SNTG1: variants seen among roughly 807,000 people sequenced by gnomAD.
The protein encoded by SNTG1 is syntrophin gamma 1, also known as gamma-1-syntrophin.
Under a neutral mutation model 74.7 loss-of-function variants are expected in SNTG1, and 39 were observed. The ratio of observed to expected loss-of-function variants is 0.52; its 90% CI spans 0.40 to 0.68. SNTG1 has a LOEUF of 0.68. SNTG1 is among the 30% of genes least tolerant of loss of function. The pLI, the probability that SNTG1 is intolerant of heterozygous loss-of-function variation, is 0.00. For missense variants in SNTG1, 685 were observed against 609.5 expected (o/e 1.12, Z -1.30); for synonymous variants, 254 against 217.1 (o/e 1.17, Z -1.49).
At chr8:50,212,168 T>C (rs1417944631) in intron 2 of SNTG1, among the ~76,000 whole-genome samples, 1 of 152,188 alleles carries the variant, frequency 6.6e-6, no homozygotes, top group East Asian at 1.9e-4. Context: ...AGCAATTTCT[T>C]GTACAGTATC....
intron 1 of SNTG1, among the ~76,000 whole-genome samples, chr8:49,971,627 G>A (rs899449358): frequency 6.6e-6 from 1 of 152,178 alleles, no homozygotes; most frequent in Non-Finnish European, 1.5e-5. Context: ...CATTGTCTCA[G>A]TCCAAAATCT....
At chr8:50,441,841 T>C (rs1255844583) in intron 5 of SNTG1, among the ~76,000 whole-genome samples, 1 of 152,166 alleles carries the variant, frequency 6.6e-6, no homozygotes, top group East Asian at 1.9e-4. Context: ...CATTGAGATT[T>C]AGGGTAGGAA....
intron 2 of SNTG1, among the ~76,000 whole-genome samples, chr8:50,384,932 T>A (rs2092550465): frequency 6.6e-6 from 1 of 152,122 alleles, no homozygotes; most frequent in African/African-American, 2.4e-5. Context: ...ACATCTCAGG[T>A]GACTTGGTGT....
intron 8 of SNTG1, among the ~76,000 whole-genome samples, chr8:50,487,622 G>A (rs150273440): frequency 6.6e-6 from 1 of 150,982 alleles, no homozygotes; most frequent in Admixed American, 6.6e-5. Flanking sequence ...TCACTCGTAG[G>A]TGGGAATTGA....
chr8:50,258,157 G>T (rs2086975438), intron 2 of SNTG1, among the ~76,000 whole-genome samples: 1 of 152,182 alleles, frequency 6.6e-6, no homozygotes, highest in African/African-American at 2.4e-5. Context: ...AATATGCAGA[G>T]TTGCTACAAT....
At chr8:50,264,310 G>A (rs796635907) in intron 2 of SNTG1, among the ~76,000 whole-genome samples, 25 of 152,124 alleles carry the variant, frequency 1.6e-4, no homozygotes, top group African/African-American at 5.8e-4. Context: ...GCTGATGTCT[G>A]TAATCTCAGT....
chr8:50,194,084 T>G (rs1368883517), intron 2 of SNTG1, among the ~76,000 whole-genome samples: 1 of 152,094 alleles, frequency 6.6e-6, no homozygotes, highest in Admixed American at 6.6e-5. Flanking sequence ...GTATTTTGTT[T>G]AGGATACTAG....
rs1017763437 is a variant in SNTG1 at position 50,312,756 on chromosome 8, A to G, written c.-27-81456A>G. Among the ~76,000 whole-genome samples, 2 of 149,998 alleles carry G rather than the reference A, an allele frequency of 1.3e-5. 1 individual carries two copies. The highest frequency in any genetic ancestry group is 5.0e-5 in the African/African-American group (2 of 40,162). On this transcript the variant is annotated intron_variant, in intron 2 of 18. Coordinates refer to ENST00000642720, the MANE Select transcript of SNTG1 (RefSeq NM_018967.5). ...ATGCCTTCCAGGATTATTGTGAAAC[A>G]AAAACCAGGGAACAATACAATTTCA... is the stretch of plus-strand genomic sequence containing the variant.
At chr8:50,107,733 T>G (rs367605836) in intron 1 of SNTG1, among the ~76,000 whole-genome samples, 21 of 152,138 alleles carry the variant, frequency 1.4e-4, no homozygotes, top group African/African-American at 5.1e-4. Flanking sequence ...ATATTTTTAG[T>G]AGAGACGGGG....
chr8:50,748,415 C>T (rs2095559910), intron 17 of SNTG1, among the ~76,000 whole-genome samples: 1 of 151,972 alleles, frequency 6.6e-6, no homozygotes. Context: ...CTTAAGAAAT[C>T]TGGGTTTTAA....
chr8:50,168,342 C>G (rs776792617), intron 1 of SNTG1, among the ~76,000 whole-genome samples: 4 of 152,024 alleles, frequency 2.6e-5, no homozygotes, highest in African/African-American at 9.7e-5. Flanking sequence ...CTATTAAGAC[C>G]AAGTCATTCC....
chr8:50,068,703 T>C (rs967443267), intron 1 of SNTG1, among the ~76,000 whole-genome samples: 8 of 151,730 alleles, frequency 5.3e-5, no homozygotes, highest in East Asian at 1.9e-4. Context: ...TTCTTTCTTT[T>C]TTTTCTGTTG....
At chr8:50,484,423 C>T (rs2093772386) in intron 8 of SNTG1, among the ~76,000 whole-genome samples, 1 of 151,512 alleles carries the variant, frequency 6.6e-6, no homozygotes, top group Admixed American at 6.6e-5. Flanking sequence ...CCATGTTGGT[C>T]AGGCTGGTCT....
At chr8:49,957,805 AT>A (rs1024465418) in intron 1 of SNTG1, among the ~76,000 whole-genome samples, 21 of 150,434 alleles carry the variant, frequency 1.4e-4, no homozygotes, top group East Asian at 3.9e-4. Context: ...CTCCACACAA[AT>A]TTTTTTTTTA....
intron 2 of SNTG1, among the ~76,000 whole-genome samples, chr8:50,292,566 T>A (rs1430121434): frequency 6.6e-6 from 1 of 152,136 alleles, no homozygotes; most frequent in Non-Finnish European, 1.5e-5. Flanking sequence ...GAGGGATGAC[T>A]GTGTCTGGCG....
chr8:50,072,475 C>T (rs745952658), intron 1 of SNTG1, among the ~76,000 whole-genome samples: 4 of 152,096 alleles, frequency 2.6e-5, no homozygotes, highest in Non-Finnish European at 5.9e-5. Flanking sequence ...CTTGCCTGAG[C>T]TCAGGCGTTT....
At chr8:50,042,080 G>T (rs1298140431) in intron 1 of SNTG1, among the ~76,000 whole-genome samples, 1 of 152,178 alleles carries the variant, frequency 6.6e-6, no homozygotes, top group Admixed American at 6.5e-5. Flanking sequence ...TGAAACCGTG[G>T]TATATTGGGG....
intron 8 of SNTG1, among the ~76,000 whole-genome samples, chr8:50,487,703 G>GA (rs2093810736): frequency 6.6e-6 from 1 of 151,276 alleles, no homozygotes; most frequent in Non-Finnish European, 1.5e-5. Context: ...CGGAGGGGGG[G>GA]GAGGGATAGC....
In SNTG1 at chr8:50,472,931, GCTCAACA is replaced by G. The variant is rs1310059016; in HGVS notation, c.363+22204_363+22210del. On this transcript the variant is annotated intron_variant, in intron 8 of 18. Coordinates refer to ENST00000642720, the MANE Select transcript of SNTG1 (RefSeq NM_018967.5). Reference sequence around the variant, plus strand: ...TGGCCAAAAAAACATATGAAAAAATGCTCAACACACTAATCGTTAGGGAAATTCAAAT... The same window carrying G: ...TGGCCAAAAAAACATATGAAAAAATGCACTAATCGTTAGGGAAATTCAAAT... Among the ~76,000 whole-genome samples, 6 of 152,172 alleles carry G rather than the reference GCTCAACA, an allele frequency of 3.9e-5. No homozygotes were observed. In the South Asian group the frequency reaches 1.0e-3, roughly 26 times the overall value.
Sources: allele counts gnomAD v4.1 joint callset (sites outside exome capture counted in the v4.1 genomes callset), GRCh38; gene constraint gnomAD v4.1.1; transcripts MANE v1.5; gene names NCBI Gene and HGNC (gene_info 2026-07-23, HGNC 2026-07-21).